The following CEP170 variants were observed in gnomAD, a reference collection of about 807,000 sequenced individuals.
The protein encoded by CEP170 is centrosomal protein 170.
In CEP170, 21 loss-of-function variants were observed where a neutral mutation model predicts 151.9. The observed-to-expected ratio is 0.14, with a 90% CI of 0.10 to 0.20. The LOEUF (loss-of-function observed/expected upper bound fraction) is 0.20. Ranked by LOEUF, CEP170 falls within the 10% of genes least tolerant of loss-of-function variation. The probability of loss-of-function intolerance (pLI) is 1.00; values close to 1 mark genes in which losing one functional copy is unlikely to be tolerated. For missense variants in CEP170, 964 were observed against 1,892.9 expected, an observed-to-expected ratio of 0.51 and a Z score of 9.11; for synonymous variants, 356 against 648.8, an observed-to-expected ratio of 0.55 and a Z score of 6.86.
intron 4 of CEP170, among the ~76,000 whole-genome samples, chr1:243,207,454 C>T (rs1376374725): frequency 1.3e-5 from 2 of 152,214 alleles, no homozygotes; most frequent in Admixed American, 6.5e-5. Context: ...TTCAATACCC[C>T]TTTCTTAATA....
At chr1:243,130,302 G>T (rs2054247491) in intron 17 of CEP170, among the ~76,000 whole-genome samples, 1 of 152,128 alleles carries the variant, frequency 6.6e-6, no homozygotes, top group Non-Finnish European at 1.5e-5. Flanking sequence ...AAAAAATTGG[G>T]AGTACTTACT....
intron 14 of CEP170, among the ~76,000 whole-genome samples, chr1:243,152,096 T>C (rs1423258360): frequency 6.6e-6 from 1 of 152,176 alleles, no homozygotes; most frequent in Admixed American, 6.5e-5. Flanking sequence ...ATTTGCAAAA[T>C]ATTACTGCTC....
At chr1:243,215,560 G>A (rs993519515) in intron 3 of CEP170, among the ~76,000 whole-genome samples, 3 of 152,256 alleles carry the variant, frequency 2.0e-5, no homozygotes, top group South Asian at 2.1e-4. Context: ...TTATTAGGAC[G>A]AGGAAATTCC....
intron 3 of CEP170, among the ~76,000 whole-genome samples, chr1:243,217,138 G>C (rs2062370249): frequency 6.6e-6 from 1 of 152,190 alleles, no homozygotes; most frequent in Non-Finnish European, 1.5e-5. Context: ...TTGTAACACA[G>C]ATAGGAATTC....
intron 1 of CEP170, among the ~76,000 whole-genome samples, chr1:243,234,382 C>T (rs923541691): frequency 4.6e-5 from 7 of 152,170 alleles, no homozygotes; most frequent in African/African-American, 1.7e-4. Context: ...CAGGACATAG[C>T]TTTGTTTCCT....
Position 243,125,696 on chromosome 1 carries a change from A to G in CEP170, c.*753T>C, listed in dbSNP as rs546592524. ...AAAGTGCCAAATTGATCTTTTTGAA[A>G]GTGGAGTAAAACACTGTGGGCTTAA... On this transcript the variant is annotated 3_prime_UTR_variant, in exon 20 of 20. Coordinates refer to ENST00000366542, the MANE Select transcript of CEP170 (RefSeq NM_014812.3). 1 of 154,734 alleles carries G rather than the reference A, an allele frequency of 6.5e-6. No individual in the cohort carries two copies. Among genetic ancestry groups the G allele is most frequent in the African/African-American group, 2.4e-5 (1 of 41,560 alleles). 9.6% of individuals were successfully genotyped at this position (154,734 alleles called of 1,614,324 possible).
chr1:243,144,778 CT>C (rs1481633550), intron 14 of CEP170, among the ~76,000 whole-genome samples: 1 of 151,994 alleles, frequency 6.6e-6, no homozygotes, highest in Non-Finnish European at 1.5e-5. Context: ...ATTTGAAAAC[CT>C]AATAGATATT....
intron 10 of CEP170, among the ~76,000 whole-genome samples, chr1:243,184,490 T>C (rs1336146733): frequency 1.3e-5 from 2 of 151,890 alleles, no homozygotes; most frequent in Non-Finnish European, 2.9e-5. Flanking sequence ...TATTAACAAC[T>C]ATAATATTGC....
At chr1:243,153,403 C>T (rs1166088783) in intron 14 of CEP170, among the ~76,000 whole-genome samples, 5 of 152,280 alleles carry the variant, frequency 3.3e-5, no homozygotes, top group African/African-American at 1.2e-4. Flanking sequence ...AAAATGCTAT[C>T]AAACAGCATC....
At chr1:243,223,861 G>GA (rs1011100696) in intron 2 of CEP170, among the ~76,000 whole-genome samples, 3 of 150,938 alleles carry the variant, frequency 2.0e-5, no homozygotes, top group East Asian at 1.9e-4. Context: ...AGCAGCCAAT[G>GA]AAAAAAAAAT....
intron 6 of CEP170, 111 bp downstream of exon 6, chr1:243,200,407 A>C: frequency 8.6e-7 from 1 of 1,169,368 alleles, no homozygotes; most frequent in Non-Finnish European, 1.2e-6. Flanking sequence ...CTCTGAAATT[A>C]TCACTATTAT....
intron 1 of CEP170, among the ~76,000 whole-genome samples, chr1:243,238,991 C>A (rs1018294297): frequency 6.6e-6 from 1 of 152,184 alleles, no homozygotes; most frequent in African/African-American, 2.4e-5. Flanking sequence ...TCTGTTTTTA[C>A]GGGGTTACTT....
At position 243,164,786 on chromosome 1, in the gene CEP170, G is replaced by A; in HGVS notation, c.3174C>T (p.Thr1058=). Residue 1058 remains threonine, a synonymous_variant, in exon 13 of 20, where the codon ACC becomes ACT. Transcript: ENST00000366542. The part of the protein sequence containing the change: ...SCKPHGRTPL[T]SADEHVHSKL... ...TGGAATGTACATGCTCATCAGCTGAGGTAAGTGGAGTCCGTCCATGAGGTT... is the reference window on the plus strand; with the variant it reads ...TGGAATGTACATGCTCATCAGCTGAAGTAAGTGGAGTCCGTCCATGAGGTT... 1 of 1,612,592 alleles carries A rather than the reference G, an allele frequency of 6.2e-7. No individual in the cohort carries two copies. Among genetic ancestry groups the A allele is most frequent in the Non-Finnish European group, 8.5e-7 (1 of 1,179,006 alleles).
chr1:243,142,552 T>A, intron 14 of CEP170, 89 bp from the exon 15 acceptor site: 2 of 1,373,212 alleles, frequency 1.5e-6, no homozygotes, highest in Non-Finnish European at 1.9e-6. Flanking sequence ...TCATGTAAGT[T>A]GTATATCTAA....
intron 16 of CEP170, among the ~76,000 whole-genome samples, chr1:243,137,346 T>C (rs1572167345): frequency 6.6e-6 from 1 of 152,244 alleles, no homozygotes; most frequent in East Asian, 1.9e-4. Flanking sequence ...AATAAGGCCC[T>C]AGAAGGCAAA....
At chr1:243,196,046 A>C (rs1236733546) in intron 7 of CEP170, among the ~76,000 whole-genome samples, 1 of 152,132 alleles carries the variant, frequency 6.6e-6, no homozygotes, top group Non-Finnish European at 1.5e-5. Flanking sequence ...ACAAGCTGAG[A>C]ATTCAGTTAC....
At chr1:243,241,042 A>G (rs935677757) in intron 1 of CEP170, among the ~76,000 whole-genome samples, 1 of 152,238 alleles carries the variant, frequency 6.6e-6, no homozygotes, top group African/African-American at 2.4e-5. Flanking sequence ...TTTTCACACT[A>G]TGAAAACAAA....
At chr1:243,171,463 TTC>T (rs2058839187) in intron 11 of CEP170, among the ~76,000 whole-genome samples, 1 of 152,148 alleles carries the variant, frequency 6.6e-6, no homozygotes, top group African/African-American at 2.4e-5. Context: ...CTTGATTTTC[TTC>T]TTTTATATTT....
intron 9 of CEP170, 72 bp downstream of exon 9, chr1:243,186,187 A>T (rs762736772): frequency 1.7e-5 from 27 of 1,613,420 alleles, no homozygotes; most frequent in Non-Finnish European, 2.2e-5. Flanking sequence ...CACTTTGAGT[A>T]AAAGAATACG....
Sources: allele counts gnomAD v4.1 joint callset (sites outside exome capture counted in the v4.1 genomes callset), GRCh38; gene constraint gnomAD v4.1.1; transcripts MANE v1.5; gene names NCBI Gene and HGNC (gene_info 2026-07-23, HGNC 2026-07-21).